Variants in PDIA5 observed in about 807,000 individuals in gnomAD.
The protein encoded by PDIA5 is protein disulfide-isomerase A5.
Under a neutral mutation model 77.6 loss-of-function variants are expected in PDIA5, and 58 were observed. The ratio of observed to expected loss-of-function variants is 0.75; its 90% CI spans 0.61 to 0.93. PDIA5 has a LOEUF of 0.93. Ranked by LOEUF, PDIA5 falls within the 40% of genes least tolerant of loss-of-function variation. The pLI is 0.00. For missense variants in PDIA5, 630 were observed against 647.7 expected, an observed-to-expected ratio of 0.97 and a Z score of 0.30; for synonymous variants, 250 against 252.1, an observed-to-expected ratio of 0.99 and a Z score of 0.08.
At chr3:123,106,403 A>G (rs1166236255) in intron 5 of PDIA5, among the ~76,000 whole-genome samples, 2 of 152,220 alleles carry the variant, frequency 1.3e-5, no homozygotes, top group Admixed American at 1.3e-4. Context: ...TAGTAGAAGC[A>G]CTAGTATGTC....
intron 15 of PDIA5, among the ~76,000 whole-genome samples, chr3:123,159,640 T>A (rs937066876): frequency 1.3e-5 from 2 of 152,244 alleles, no homozygotes; most frequent in Non-Finnish European, 2.9e-5. Context: ...TTGTTGTTGT[T>A]AAATTCAATG....
At chr3:123,143,482 AGCTGCC>A (rs1462794124) in intron 11 of PDIA5, among the ~76,000 whole-genome samples, 1 of 151,632 alleles carries the variant, frequency 6.6e-6, no homozygotes, top group East Asian at 2.0e-4. Flanking sequence ...GGCTACAAGC[AGCTGCC>A]GGCTCCCCTG....
rs778671917 is a variant in PDIA5 at position 123,130,552 on chromosome 3, C to T, written c.846C>T (p.Thr282=). The change falls in exon 11 of 17, where the codon ACC becomes ACT. Residue 282 remains threonine, a synonymous_variant. Transcript: ENST00000316218. ...AGGGCGGCTCCGTTTATCACCTGAC[C>T]GATGAAGACTTTGACCAGTTTGTGA... ...ADEGGSVYHL[T]DEDFDQFVKE... 8 of 1,614,110 alleles carry T rather than the reference C, an allele frequency of 5.0e-6. No homozygotes were observed. The highest frequency in any genetic ancestry group is 6.8e-6 in the Non-Finnish European group (8 of 1,179,960).
At chr3:123,158,603 G>A (rs540579390) in intron 15 of PDIA5, among the ~76,000 whole-genome samples, 117 of 152,318 alleles carry the variant, frequency 7.7e-4, no homozygotes, top group African/African-American at 2.7e-3. Context: ...GGCCAAAGAA[G>A]CCAGGGTCCT....
At chr3:123,067,313 G>T in intron 1 of PDIA5, 107 bp downstream of exon 1, 1 of 1,001,192 alleles carries the variant, frequency 1.0e-6, no homozygotes, top group South Asian at 5.1e-5. Context: ...AGCTGCCCCG[G>T]GGCACCGGGA....
At chr3:123,155,674 AT>A (rs1273588012) in intron 15 of PDIA5, among the ~76,000 whole-genome samples, 1 of 152,188 alleles carries the variant, frequency 6.6e-6, no homozygotes, top group Non-Finnish European at 1.5e-5. Flanking sequence ...TTCCCTTCTC[AT>A]CCATGCCAGG....
chr3:123,116,140 G>C, intron 7 of PDIA5, 91 bp from the exon 8 acceptor site: 1 of 983,556 alleles, frequency 1.0e-6, no homozygotes, highest in Non-Finnish European at 1.6e-6. Flanking sequence ...AGTGCTTGTT[G>C]GGTAGAGGAT....
intron 7 of PDIA5, among the ~76,000 whole-genome samples, chr3:123,115,068 G>A (rs1934964322): frequency 6.6e-6 from 1 of 152,204 alleles, no homozygotes; most frequent in South Asian, 2.1e-4. Context: ...CGTCAGCTAA[G>A]CATGGATTGG....
intron 7 of PDIA5, among the ~76,000 whole-genome samples, chr3:123,112,743 A>G (rs1934896292): frequency 6.6e-6 from 1 of 151,788 alleles, no homozygotes; most frequent in South Asian, 2.1e-4. Context: ...TATTTTTAGT[A>G]GAGATGGGGC....
chr3:123,139,489 G>C (rs773028293), intron 11 of PDIA5, among the ~76,000 whole-genome samples: 14 of 152,220 alleles, frequency 9.2e-5, no homozygotes, highest in Non-Finnish European at 2.1e-4. Context: ...ATTGATGCTA[G>C]AATTGAAAAC....
intron 6 of PDIA5, among the ~76,000 whole-genome samples, chr3:123,109,165 C>G (rs1345243791): frequency 6.6e-6 from 1 of 152,204 alleles, no homozygotes; most frequent in African/African-American, 2.4e-5. Context: ...GTGCTCTTTT[C>G]TCTCCTATGG....
chr3:123,105,064 T>C (rs1414686325), intron 5 of PDIA5, among the ~76,000 whole-genome samples: 1 of 152,196 alleles, frequency 6.6e-6, no homozygotes, highest in East Asian at 1.9e-4. Flanking sequence ...CTGCTATCTT[T>C]TTTTCTTGAT....
intron 1 of PDIA5, among the ~76,000 whole-genome samples, chr3:123,082,789 A>G (rs1325593486): frequency 6.6e-6 from 1 of 152,112 alleles, no homozygotes; most frequent in Non-Finnish European, 1.5e-5. Context: ...GCCACTCTGC[A>G]AGGTGGGCAT....
Position 123,150,335 on chromosome 3 carries a change from AAC to A in PDIA5, c.1249_1250del (p.Thr417LeufsTer13). ...TTCCGGGAGACCCTGAAGAAGAAGA[AAC>A]ACACCTTGGTCATGTTCTACGCCCC... On this transcript the variant is annotated frameshift_variant, in exon 14 of 17. Transcript: ENST00000316218. LOFTEE classifies it high-confidence loss of function. The A allele has an allele frequency of 6.2e-7, 1 of 1,613,920 alleles. No individual in the cohort carries two copies. The highest frequency in any genetic ancestry group is 8.5e-7 in the Non-Finnish European group (1 of 1,179,936).
At chr3:123,148,278 T>C (rs574593610) in intron 13 of PDIA5, among the ~76,000 whole-genome samples, 1 of 152,102 alleles carries the variant, frequency 6.6e-6, no homozygotes, top group Non-Finnish European at 1.5e-5. Flanking sequence ...CTCAAAAAAG[T>C]TGAAACTGGC....
chr3:123,129,348 G>A (rs1270700653), intron 10 of PDIA5, among the ~76,000 whole-genome samples: 1 of 152,226 alleles, frequency 6.6e-6, no homozygotes, highest in African/African-American at 2.4e-5. Flanking sequence ...GGACCTGGGA[G>A]GCCATGGTGG....
intron 11 of PDIA5, among the ~76,000 whole-genome samples, chr3:123,138,262 A>C (rs1935545269): frequency 6.6e-6 from 1 of 152,280 alleles, no homozygotes; most frequent in East Asian, 1.9e-4. Context: ...TTATTTATTT[A>C]AGTCTTTTCT....
intron 14 of PDIA5, 75 bp from the exon 15 acceptor site, chr3:123,154,896 A>C: frequency 1.0e-6 from 1 of 977,032 alleles, no homozygotes; most frequent in South Asian, 1.3e-5. Context: ...TGGAGCTTTC[A>C]GGAAGGGTCC....
chr3:123,136,664 G>A (rs566940250), intron 11 of PDIA5, among the ~76,000 whole-genome samples: 26 of 145,872 alleles, frequency 1.8e-4, no homozygotes, highest in Admixed American at 1.2e-3. Flanking sequence ...GCTTGAACCC[G>A]GGAGGCAGAG....
Sources: gnomAD v4.1 joint callset for allele counts (sites outside exome capture counted in the v4.1 genomes callset) on GRCh38, gnomAD v4.1.1 for gene constraint, MANE v1.5 for transcripts, NCBI Gene and HGNC (gene_info 2026-07-23, HGNC 2026-07-21) for gene names.